Variants in METTL24 observed in about 807,000 individuals in gnomAD.
The protein encoded by METTL24 is methyltransferase like 24.
Under a neutral mutation model 32.7 loss-of-function variants are expected in METTL24, and 29 were observed. The observed-to-expected ratio is 0.89, with a 90% CI of 0.66 to 1.21. The LOEUF is 1.21. Among genes scored for constraint, METTL24 ranks in the 50% most tolerant of loss-of-function variants. The probability of loss-of-function intolerance (pLI) is 0.00; values close to 1 mark genes in which losing one functional copy is unlikely to be tolerated. For synonymous variants in METTL24, 163 were observed against 179.5 expected, an observed-to-expected ratio of 0.91 and a Z score of 0.73; for missense variants, 439 against 468.1, an observed-to-expected ratio of 0.94 and a Z score of 0.57.
intron 4 of METTL24, among the ~76,000 whole-genome samples, chr6:110,281,266 G>T (rs1771130495): frequency 6.6e-6 from 1 of 152,124 alleles, no homozygotes; most frequent in Admixed American, 6.6e-5. Context: ...CATCTAGTTA[G>T]GTTAGAGCAT....
chr6:110,293,166 CAGT>C (rs1771349859), intron 4 of METTL24, among the ~76,000 whole-genome samples: 1 of 151,886 alleles, frequency 6.6e-6, no homozygotes, highest in Non-Finnish European at 1.5e-5. Flanking sequence ...CATGTTAAAT[CAGT>C]AGATTAACAT....
intron 4 of METTL24, among the ~76,000 whole-genome samples, chr6:110,281,303 A>G (rs1351034144): frequency 6.6e-6 from 1 of 152,166 alleles, no homozygotes; most frequent in East Asian, 1.9e-4. Context: ...AGTAGTGGAA[A>G]ATAAAGAGGT....
intron 1 of METTL24, among the ~76,000 whole-genome samples, chr6:110,325,769 C>A (rs537030637): frequency 6.6e-6 from 1 of 152,276 alleles, no homozygotes; most frequent in Admixed American, 6.5e-5. Context: ...GGACTCTCAG[C>A]AAAGCAAAAG....
chr6:110,312,604 A>G (rs1486195400), intron 3 of METTL24, among the ~76,000 whole-genome samples: 1 of 152,228 alleles, frequency 6.6e-6, no homozygotes, highest in Non-Finnish European at 1.5e-5. Flanking sequence ...ACACAGAAAC[A>G]CAAATATTGC....
intron 4 of METTL24, among the ~76,000 whole-genome samples, chr6:110,247,300 C>T (rs1186291637): frequency 6.6e-6 from 1 of 152,122 alleles, no homozygotes; most frequent in East Asian, 1.9e-4. Context: ...GAACCCATTC[C>T]CAGTCACATG....
chr6:110,304,043 C>T (rs1771585490), intron 3 of METTL24, among the ~76,000 whole-genome samples: 3 of 152,120 alleles, frequency 2.0e-5, no homozygotes, highest in South Asian at 4.1e-4. Flanking sequence ...AGTAGACCCC[C>T]AGCAAACTCC....
intron 4 of METTL24, among the ~76,000 whole-genome samples, chr6:110,275,983 C>T (rs148954172): frequency 6.8e-4 from 103 of 152,282 alleles, no homozygotes; most frequent in African/African-American, 2.4e-3. Context: ...CCTGTGCCTT[C>T]CCAGCCACAG....
chr6:110,274,155 T>C (rs1244968516), intron 4 of METTL24, among the ~76,000 whole-genome samples: 5 of 152,108 alleles, frequency 3.3e-5, no homozygotes, highest in Non-Finnish European at 7.4e-5. Flanking sequence ...TGCAGTGGCA[T>C]GATCTCGGCT....
intron 1 of METTL24, among the ~76,000 whole-genome samples, chr6:110,340,021 T>C (rs6904756): frequency 6.6e-6 from 1 of 151,986 alleles, no homozygotes; most frequent in Non-Finnish European, 1.5e-5. Flanking sequence ...CTTTAAAGAC[T>C]GTTTTAGCAT....
intron 4 of METTL24, among the ~76,000 whole-genome samples, chr6:110,288,672 A>G (rs1216628526): frequency 1.3e-5 from 2 of 152,184 alleles, no homozygotes; most frequent in African/African-American, 2.4e-5. Context: ...AAAAAGAAAC[A>G]AAAAGGACAC....
intron 3 of METTL24, among the ~76,000 whole-genome samples, chr6:110,310,627 A>C (rs1268118359): frequency 2.0e-5 from 3 of 152,196 alleles, no homozygotes; most frequent in East Asian, 1.9e-4. Flanking sequence ...ACCTCATTTC[A>C]AAACTGAAAA....
chr6:110,328,985 A>AT (rs1582429235), intron 1 of METTL24, among the ~76,000 whole-genome samples: 4 of 152,346 alleles, frequency 2.6e-5, no homozygotes, highest in South Asian at 2.1e-4. Context: ...ATGTTTCTAC[A>AT]TTTTTTGTAT....
intron 4 of METTL24, among the ~76,000 whole-genome samples, chr6:110,253,486 A>C (rs1280491780): frequency 6.6e-6 from 1 of 152,196 alleles, no homozygotes; most frequent in Non-Finnish European, 1.5e-5. Context: ...AAAAGGTAAA[A>C]GTTACTTGTA....
At chr6:110,277,234 A>G (rs1428621351) in intron 4 of METTL24, among the ~76,000 whole-genome samples, 2 of 152,124 alleles carry the variant, frequency 1.3e-5, no homozygotes, top group Admixed American at 1.3e-4. Flanking sequence ...GCTATCCCCA[A>G]TTTGATCTTA....
chr6:110,260,542 C>T (rs1482333851), intron 4 of METTL24, among the ~76,000 whole-genome samples: 1 of 152,158 alleles, frequency 6.6e-6, no homozygotes, highest in Non-Finnish European at 1.5e-5. Context: ...AAACACTCTG[C>T]AGGATATTAT....
At chr6:110,313,256 A>C (rs1771757880) in intron 3 of METTL24, among the ~76,000 whole-genome samples, 1 of 152,246 alleles carries the variant, frequency 6.6e-6, no homozygotes, top group South Asian at 2.1e-4. Flanking sequence ...CATAGACATG[A>C]TCAATGCTGG....
intron 4 of METTL24, among the ~76,000 whole-genome samples, chr6:110,296,007 T>G (rs1447393212): frequency 6.6e-6 from 1 of 151,720 alleles, no homozygotes; most frequent in Admixed American, 6.6e-5. Flanking sequence ...ATTGTCCTCA[T>G]TTAACTGACA....
chr6:110,291,140 T>C (rs76360746), intron 4 of METTL24, among the ~76,000 whole-genome samples: 2,825 of 152,282 alleles, frequency 0.019, 80 homozygotes, highest in African/African-American at 0.065. Context: ...TATTTTCTCC[T>C]AGTTTTTATG....
chr6:110,322,839 C>T lies in METTL24; in HGVS notation c.352G>A (p.Ala118Thr). ...TCATCCAGGGACTGAGCAGAGCCTG[C>T]CCAAGGCTGGAGATCTATATGCCAC... ...PRWHIDLQPW[A>T]GSAQSLDEEA... The change falls in exon 2 of 5, where the codon GCA becomes ACA. Residue 118 changes from alanine (A) to threonine (T), a missense_variant. Physicochemically the swap from Ala to Thr is moderately conservative, Grantham distance 58 (BLOSUM62 0). Coordinates refer to ENST00000338882, the MANE Select transcript of METTL24 (RefSeq NM_001123364.3). 1 of 1,613,742 alleles carries T rather than the reference C, an allele frequency of 6.2e-7. No individual in the cohort carries two copies. The highest frequency in any genetic ancestry group is 1.1e-5 in the South Asian group (1 of 90,978).
Sources: allele counts gnomAD v4.1 joint callset (sites outside exome capture counted in the v4.1 genomes callset), GRCh38; gene constraint gnomAD v4.1.1; transcripts MANE v1.5; gene names NCBI Gene and HGNC (gene_info 2026-07-23, HGNC 2026-07-21).